The following ZNF451 variants were observed in gnomAD, a reference collection of about 807,000 sequenced individuals.
ZNF451 encodes E3 SUMO-protein ligase ZNF451.
In ZNF451, 80 loss-of-function variants were observed where a neutral mutation model predicts 107.1. The observed-to-expected ratio is 0.75, with a 90% confidence interval of 0.62 to 0.90. The LOEUF (loss-of-function observed/expected upper bound fraction) is 0.90. Ranked by LOEUF, ZNF451 falls within the 40% of genes least tolerant of loss-of-function variation. The pLI is 0.00. For synonymous variants in ZNF451, 362 were observed against 406.5 expected (o/e 0.89, Z 1.32); for missense variants, 1,107 against 1,236.2 (o/e 0.90, Z 1.57).
At chr6:57,159,311 T>C in intron 13 of ZNF451, 3 of 985,444 alleles carry the variant, frequency 3.0e-6, no homozygotes, top group Non-Finnish European at 3.6e-6. Context: ...AGGCCTTGCA[T>C]GCAATGATGA....
At chr6:57,128,911 T>C in intron 5 of ZNF451, 71 bp downstream of exon 5, 1 of 1,093,630 alleles carries the variant, frequency 9.1e-7, no homozygotes, top group Non-Finnish European at 1.4e-6. Flanking sequence ...ACGTCTGTTT[T>C]ATGCTATTGC....
chr6:57,154,242 CATA>C (rs1304086396), intron 13 of ZNF451, 195 bp downstream of exon 13: 7 of 616,976 alleles, frequency 1.1e-5, no homozygotes, highest in African/African-American at 3.7e-5. Context: ...AGGATGAATT[CATA>C]ATAATTTTCT....
chr6:57,104,860 G>A (rs1344728268), intron 3 of ZNF451: 33 of 985,224 alleles, frequency 3.3e-5, no homozygotes, highest in Non-Finnish European at 3.9e-5. Flanking sequence ...TAAAGGTATT[G>A]GGAAATTATC....
chr6:57,108,617 T>G (rs779209782), intron 3 of ZNF451: 116 of 985,314 alleles, frequency 1.2e-4, no homozygotes, highest in Non-Finnish European at 1.4e-4. Flanking sequence ...GTAGTCTCAT[T>G]TAGATTCTTG....
chr6:57,160,437 G>A (rs571710899), intron 13 of ZNF451, among the ~76,000 whole-genome samples: 8 of 152,096 alleles, frequency 5.3e-5, no homozygotes, highest in South Asian at 2.1e-4. Flanking sequence ...AGGTTCAAGC[G>A]ATCTTCCTAC....
At chr6:57,150,614 G>C (rs1308748453) in intron 10 of ZNF451, 105 bp from the exon 11 acceptor site, 2 of 1,125,004 alleles carry the variant, frequency 1.8e-6, no homozygotes, top group East Asian at 4.8e-5. Context: ...TAACATTCAA[G>C]GTTAGTATTT....
chr6:57,117,494 A>C (rs1039206176), intron 3 of ZNF451, among the ~76,000 whole-genome samples: 1 of 152,156 alleles, frequency 6.6e-6, no homozygotes, highest in Non-Finnish European at 1.5e-5. Flanking sequence ...TTTTAGAGTG[A>C]AGTTGAAGAG....
At chr6:57,166,894 G>A (rs1763922784) in intron 14 of ZNF451, among the ~76,000 whole-genome samples, 1 of 152,178 alleles carries the variant, frequency 6.6e-6, no homozygotes, top group African/African-American at 2.4e-5. Flanking sequence ...TGTTGTATAT[G>A]TGATCCACTG....
At chr6:57,094,299 AT>A (rs1430780330) in intron 2 of ZNF451, among the ~76,000 whole-genome samples, 1 of 151,930 alleles carries the variant, frequency 6.6e-6, no homozygotes, top group African/African-American at 2.4e-5. Context: ...TTTAAATTTT[AT>A]TTTTATTTAA....
chr6:57,132,967 TC>T, intron 5 of ZNF451, 74 bp from the exon 6 acceptor site: 1 of 1,488,124 alleles, frequency 6.7e-7, no homozygotes. Context: ...CATTGTTTTG[TC>T]CTAATTTTGA....
intron 3 of ZNF451, chr6:57,099,467 A>G (rs1169238655): frequency 4.2e-6 from 3 of 717,028 alleles, no homozygotes; most frequent in Non-Finnish European, 5.2e-6. Flanking sequence ...TACTCTCCTC[A>G]GGTGCCCTAT....
intron 10 of ZNF451, 36 bp downstream of exon 10, chr6:57,148,729 T>C: frequency 6.6e-7 from 1 of 1,525,756 alleles, no homozygotes; most frequent in Non-Finnish European, 8.8e-7. Context: ...TTTCATATAC[T>C]GATATTGAAA....
At chr6:57,101,185 A>G in intron 3 of ZNF451, 1 of 1,550,878 alleles carries the variant, frequency 6.4e-7, no homozygotes, top group Non-Finnish European at 8.7e-7. Context: ...CAGCCAATCT[A>G]GTTTCACAGG....
intron 3 of ZNF451, chr6:57,108,282 C>T: frequency 1.0e-6 from 1 of 985,272 alleles, no homozygotes; most frequent in Admixed American, 6.2e-5. Context: ...CTTTCATTAC[C>T]CGTAAGAGTG....
chr6:57,107,017 T>C (rs1483584396), intron 3 of ZNF451: 1 of 946,272 alleles, frequency 1.1e-6, no homozygotes, highest in African/African-American at 1.8e-5. Flanking sequence ...GTGGAATATT[T>C]TTTACTTCTT....
intron 7 of ZNF451, among the ~76,000 whole-genome samples, chr6:57,138,266 CTT>C (rs574875090): frequency 8.6e-5 from 12 of 139,106 alleles, no homozygotes; most frequent in African/African-American, 7.9e-5. Flanking sequence ...TTGGTTCTGC[CTT>C]TTTTTTTTTT....
At chr6:57,104,287 A>T in intron 3 of ZNF451, 1 of 985,344 alleles carries the variant, frequency 1.0e-6, no homozygotes, top group Non-Finnish European at 1.2e-6. Context: ...TGCTCTTGAT[A>T]TTGGCACTGT....
rs116465729 is a variant in ZNF451 at position 57,155,973 on chromosome 6, C to T, written c.3070+1926C>T. ...ATATGGGCTTTGGTTCAAATGCTAACTTTGCTGTTTCCTAGCAGCGCGATT... is the reference window on the plus strand; with the variant it reads ...ATATGGGCTTTGGTTCAAATGCTAATTTTGCTGTTTCCTAGCAGCGCGATT... On this transcript the variant is annotated intron_variant, in intron 13 of 14. Transcript: ENST00000370706. Among the ~76,000 whole-genome samples, 1,470 of 152,102 alleles carry T rather than the reference C, an allele frequency of 9.7e-3. 9 individuals are homozygous for T. The highest frequency in any genetic ancestry group is 0.017 in the Non-Finnish European group (1,145 of 68,002).
At chr6:57,129,221 GT>G (rs1283944282) in intron 5 of ZNF451, among the ~76,000 whole-genome samples, 1 of 152,124 alleles carries the variant, frequency 6.6e-6, no homozygotes, top group Non-Finnish European at 1.5e-5. Context: ...GAGGATTCAT[GT>G]TTATTTATTT....
Sources: allele counts gnomAD v4.1 joint callset (sites outside exome capture counted in the v4.1 genomes callset), GRCh38; gene constraint gnomAD v4.1.1; transcripts MANE v1.5; gene names NCBI Gene and HGNC (gene_info 2026-07-23, HGNC 2026-07-21).